Variants in JAKMIP1 observed in about 807,000 individuals in gnomAD.
The protein encoded by JAKMIP1 is janus kinase and microtubule interacting protein 1.
In JAKMIP1, 33 loss-of-function variants were observed where a neutral mutation model predicts 113.0. The ratio of observed to expected loss-of-function variants is 0.29; its 90% CI spans 0.22 to 0.39. The LOEUF is 0.39. Ranked by LOEUF, JAKMIP1 falls within the 10% of genes least tolerant of loss-of-function variation. The pLI is 1.00. For missense variants in JAKMIP1, 813 were observed against 1,080.5 expected (o/e 0.75, Z 3.47); for synonymous variants, 480 against 459.9 (o/e 1.04, Z -0.56).
intron 3 of JAKMIP1, among the ~76,000 whole-genome samples, chr4:6,103,487 C>T (rs1245130730): frequency 2.0e-5 from 3 of 152,112 alleles, no homozygotes; most frequent in Non-Finnish European, 2.9e-5. Context: ...AATGTTATTG[C>T]TTTTGGAATC....
rs1265368508 is a variant in JAKMIP1 at position 6,136,664 on chromosome 4, C to T, written c.-147-23667G>A. On this transcript the variant is annotated intron_variant, in intron 1 of 20. Coordinates refer to ENST00000409021, the MANE Select transcript of JAKMIP1 (RefSeq NM_001099433.2). This position sits in a 1 kb window ranked among gnomAD's most constrained non-coding sequence, Gnocchi z 5.9. Reference sequence around the variant, plus strand: ...TCTGATTTTTCATGGTGATTAGCACCCAGTCAGGAGCCACACTAAAGAATC... The same window carrying T: ...TCTGATTTTTCATGGTGATTAGCACTCAGTCAGGAGCCACACTAAAGAATC... Among the ~76,000 whole-genome samples the T allele has an allele frequency of 6.6e-6, 1 of 152,112 alleles. No homozygotes were observed. Among genetic ancestry groups the T allele is most frequent in the Non-Finnish European group, 1.5e-5 (1 of 68,028 alleles).
chr4:6,190,134 G>A (rs1333589521), intron 1 of JAKMIP1, among the ~76,000 whole-genome samples: 1 of 152,192 alleles, frequency 6.6e-6, no homozygotes, highest in Non-Finnish European at 1.5e-5. Context: ...TGGCACCCGA[G>A]GAGCAGTTCT....
In JAKMIP1 at chr4:6,061,363, C is replaced by T. The variant is rs977765064; in HGVS notation, c.1561-856G>A. Among the ~76,000 whole-genome samples the T allele has an allele frequency of 6.6e-6, 1 of 152,208 alleles. No individual in the cohort carries two copies. The highest frequency in any genetic ancestry group is 6.5e-5 in the Admixed American group (1 of 15,284). On this transcript the variant is annotated intron_variant, in intron 10 of 20. Coordinates refer to ENST00000409021, the MANE Select transcript of JAKMIP1 (RefSeq NM_001099433.2). This position sits in a 1 kb window ranked among gnomAD's most constrained non-coding sequence, Gnocchi z 5.3. Reference sequence around the variant, plus strand: ...TGACCTCACTCCCCCTTACTCCTGGCTCCCCGCTACAGGGCCACTGCTGCC... The same window carrying T: ...TGACCTCACTCCCCCTTACTCCTGGTTCCCCGCTACAGGGCCACTGCTGCC...
rs570897317 is a variant in JAKMIP1, at chr4:6,160,965, C to T, written c.-148+39288G>A. Among the ~76,000 whole-genome samples, 162 of 148,020 alleles carry T rather than the reference C, an allele frequency of 1.1e-3. 1 individual carries two copies. The highest frequency in any genetic ancestry group is 3.6e-3 in the African/African-American group (143 of 39,654). On this transcript the variant is annotated intron_variant, in intron 1 of 20. Coordinates refer to ENST00000409021, the MANE Select transcript of JAKMIP1 (RefSeq NM_001099433.2). ...ACTTATCTCCCCTGACCTCCACTCA[C>T]CTCCCTGACCTCCACTCACCTCCCT...
chr4:6,046,499 G>C (rs1050841025), intron 16 of JAKMIP1, among the ~76,000 whole-genome samples: 1 of 152,068 alleles, frequency 6.6e-6, no homozygotes, highest in African/African-American at 2.4e-5. Flanking sequence ...AGGGCGACTG[G>C]CACAGCTCTC....
chr4:6,144,416 A>G (rs894833621), intron 1 of JAKMIP1, among the ~76,000 whole-genome samples: 1 of 152,240 alleles, frequency 6.6e-6, no homozygotes, highest in Non-Finnish European at 1.5e-5. Context: ...CTGAAACCAG[A>G]CAAAGATATC....
At position 6,026,249 on chromosome 4, in the gene JAKMIP1, T is replaced by G. The variant is rs893824611; in HGVS notation, c.2475A>C (p.Leu825=). The G allele has an allele frequency of 2.6e-6, 4 of 1,543,344 alleles. No individual in the cohort carries two copies. Among genetic ancestry groups the G allele is most frequent in the African/African-American group, 1.4e-5 (1 of 72,456 alleles). ...KFLFLFLFFS[L]AFILWP is the part of the protein sequence containing the mutation. The stretch of plus-strand genomic sequence containing the variant: ...GTCATCAAGGCCACAGAATGAATGC[T>G]AGTGAGAAAAACAAAAAAAGGAACA... The change falls in exon 21 of 21, where the codon CTA becomes CTC. Residue 825 remains leucine (L), a synonymous_variant. Coordinates refer to ENST00000409021, the MANE Select transcript of JAKMIP1 (RefSeq NM_001099433.2).
Position 6,081,572 on chromosome 4 carries a change from G to A in JAKMIP1, c.1101+37C>T, listed in dbSNP as rs371048779. On this transcript the variant is annotated intron_variant, in intron 6 of 20. Coordinates refer to ENST00000409021, the MANE Select transcript of JAKMIP1 (RefSeq NM_001099433.2). This position sits in a 1 kb window ranked among gnomAD's most constrained non-coding sequence, Gnocchi z 4.6. ...GCTGAAGAATCCCAGACAGAGAAGG[G>A]AGTGTCAGGGCTGTCCCCAAGGGGT... 3.1e-6 allele frequency: 5 copies of A among 1,611,386 alleles called. No homozygotes were observed. The highest frequency in any genetic ancestry group is 4.2e-6 in the Non-Finnish European group (5 of 1,178,130).
rs893473682 is a variant in JAKMIP1, at chr4:6,193,596, G to A, written c.-148+6657C>T. Among the ~76,000 whole-genome samples, 2 of 152,222 alleles carry A rather than the reference G, an allele frequency of 1.3e-5. No homozygotes were observed. Among genetic ancestry groups the A allele is most frequent in the South Asian group, 4.1e-4 (2 of 4,832 alleles). On this transcript the variant is annotated intron_variant, in intron 1 of 20. Transcript: ENST00000409021. This position sits in a 1 kb window ranked among gnomAD's most constrained non-coding sequence, Gnocchi z 6.4. ...AGCCAGGGCTCCCTGCGCTGTGCCA[G>A]CTGCCTCTCTGGGGCACTCGGCTGG...
chr4:6,099,453 G>A (rs949266188), intron 3 of JAKMIP1, among the ~76,000 whole-genome samples: 10 of 152,218 alleles, frequency 6.6e-5, no homozygotes, highest in Non-Finnish European at 1.3e-4. Flanking sequence ...CCTCAGACAA[G>A]ACTGAAGGAC....
At chr4:6,160,800 C>CACCTCCACTCACCTCCACTGACTCACTG (rs1468921265) in intron 1 of JAKMIP1, among the ~76,000 whole-genome samples, 2 of 152,088 alleles carry the variant, frequency 1.3e-5, no homozygotes, top group Non-Finnish European at 2.9e-5. Flanking sequence ...TCAGCTCCCG[C>CACCTCCACTCACCTCCACTGACTCACTG]ACCTCCACTC....
At chr4:6,047,647 G>T (rs1406469700) in intron 16 of JAKMIP1, among the ~76,000 whole-genome samples, 1 of 152,190 alleles carries the variant, frequency 6.6e-6, no homozygotes, top group East Asian at 1.9e-4. Context: ...CCAACATTTA[G>T]TATCCTTTAC....
chr4:6,158,167 C>T lies in JAKMIP1; in HGVS notation c.-148+42086G>A, dbSNP rs1189460540. The stretch of plus-strand genomic sequence containing the variant: ...AGGATGGGGAGAACGGATCGCCTCA[C>T]AGTGTGGAGGGCAGACCATGCTGTA... On this transcript the variant is annotated intron_variant, in intron 1 of 20. Coordinates refer to ENST00000409021, the MANE Select transcript of JAKMIP1 (RefSeq NM_001099433.2). This position sits in a 1 kb window ranked among gnomAD's most constrained non-coding sequence, Gnocchi z 5.3. 1.3e-5 allele frequency among the ~76,000 whole-genome samples: 2 copies of T among 152,246 alleles called. No individual in the cohort carries two copies. The highest frequency in any genetic ancestry group is 2.9e-5 in the Non-Finnish European group (2 of 68,036).
rs142816290 is a variant in JAKMIP1 at position 6,053,401 on chromosome 4, G to A, written c.1806+649C>T. On this transcript the variant is annotated intron_variant, in intron 13 of 20. Coordinates refer to ENST00000409021, the MANE Select transcript of JAKMIP1 (RefSeq NM_001099433.2). ...ATAGTAATTTCTTTAGTCCAATATT[G>A]CTGCAATGCCTGGGTCTGTATTTAC... Among the ~76,000 whole-genome samples the A allele has an allele frequency of 1.2e-4, 18 of 152,312 alleles. No individual in the cohort carries two copies. In the East Asian group the frequency reaches 3.3e-3, roughly 28 times the overall value.
At chr4:6,058,487 A>T (rs918750953) in intron 11 of JAKMIP1, among the ~76,000 whole-genome samples, 1 of 152,082 alleles carries the variant, frequency 6.6e-6, no homozygotes, top group Non-Finnish European at 1.5e-5. Context: ...TGGAAATGTT[A>T]TTACTTCTCT....
Position 6,037,533 on chromosome 4 carries a change from C to T in JAKMIP1, c.2176-1426G>A, listed in dbSNP as rs1474909229. ...GGTTAACCCAGTAGCCCTCCAACAC[C>T]GAGGCAGAGGCTAACCGGTATCCCT... On this transcript the variant is annotated intron_variant, in intron 18 of 20. Coordinates refer to ENST00000409021, the MANE Select transcript of JAKMIP1 (RefSeq NM_001099433.2). Among the ~76,000 whole-genome samples the T allele has an allele frequency of 1.4e-4, 19 of 138,840 alleles. 1 individual carries two copies. The highest frequency in any genetic ancestry group is 1.5e-4 in the Non-Finnish European group (10 of 64,840). 91.1% of individuals were successfully genotyped at this position (138,840 alleles called of 152,430 possible). A position where few individuals can be genotyped will look rare whatever the true frequency, so the allele number is the denominator to read the frequency against.
rs1715526644 is a variant in JAKMIP1, at chr4:6,050,523, G to A, written c.1908+55C>T. ...CACTCCCCCTTTGCAGCTGAGCCGG[G>A]CACTGAGCGAGCCCTTGGCTGGCAT... is the stretch of plus-strand genomic sequence containing the variant. On this transcript the variant is annotated intron_variant, in intron 14 of 20. Coordinates refer to ENST00000409021, the MANE Select transcript of JAKMIP1 (RefSeq NM_001099433.2). This position sits in a 1 kb window ranked among gnomAD's most constrained non-coding sequence, Gnocchi z 7.4. The A allele has an allele frequency of 8.1e-7, 1 of 1,236,900 alleles. No homozygotes were observed. The highest frequency in any genetic ancestry group is 2.0e-5 in the Admixed American group (1 of 48,890). 76.6% of individuals were successfully genotyped at this position (1,236,900 alleles called of 1,614,324 possible). A position where few individuals can be genotyped will look rare whatever the true frequency, so the allele number is the denominator to read the frequency against.
intron 1 of JAKMIP1, among the ~76,000 whole-genome samples, chr4:6,182,423 A>AAAAAAAAAAAAAAAAG (rs1553864360): frequency 7.1e-6 from 1 of 140,172 alleles, no homozygotes; most frequent in Non-Finnish European, 1.5e-5. Flanking sequence ...AAAAAAAAAA[A>AAAAAAAAAAAAAAAAG]AAAGAAAGAA....
chr4:6,127,065 A>T (rs1209651924), intron 1 of JAKMIP1, among the ~76,000 whole-genome samples: 3 of 151,982 alleles, frequency 2.0e-5, no homozygotes, highest in Non-Finnish European at 4.4e-5. Context: ...ACCCGGCCGC[A>T]CAGAGTTGGT....
Sources: allele counts gnomAD v4.1 joint callset (sites outside exome capture counted in the v4.1 genomes callset), GRCh38; gene constraint gnomAD v4.1.1; non-coding constraint Gnocchi (gnomAD v3.1); transcripts MANE v1.5; gene names NCBI Gene and HGNC (gene_info 2026-07-23, HGNC 2026-07-21).